Variants in KRI1 observed in about 807,000 individuals in gnomAD.
KRI1 encodes protein KRI1 homolog.
Under a neutral mutation model 97.0 loss-of-function variants are expected in KRI1, and 83 were observed. That is an observed-to-expected ratio of 0.86 (90% confidence interval 0.72 to 1.03). KRI1 has a LOEUF of 1.03. Among genes scored for constraint, KRI1 ranks in the 50% least tolerant of loss-of-function variants. KRI1 has a pLI of 0.00. For synonymous variants in KRI1, 371 were observed against 363.5 expected (o/e 1.02, Z -0.23); for missense variants, 916 against 928.4 (o/e 0.99, Z 0.17).
At chr19:10,562,628 C>T (rs535465541) in intron 4 of KRI1, 101 bp downstream of exon 4, 34 of 727,872 alleles carry the variant, frequency 4.7e-5, no homozygotes, top group Non-Finnish European at 7.5e-5. Flanking sequence ...CCACCATGCC[C>T]GGCCCAGGCT....
intron 14 of KRI1, 34 bp from the exon 15 acceptor site, chr19:10,557,929 C>A (rs1916564121): frequency 6.2e-7 from 1 of 1,613,776 alleles, no homozygotes; most frequent in Non-Finnish European, 8.5e-7. Flanking sequence ...CCCACCAGCC[C>A]CCCGTCAGGG....
chr19:10,557,617 C>T lies in KRI1; in HGVS notation c.1552G>A (p.Asp518Asn), dbSNP rs142840947. The T allele has an allele frequency of 6.3e-5, 101 of 1,614,166 alleles. No individual in the cohort carries two copies. The Admixed American group carries it at 1.2e-3, about 19-fold the overall frequency. ...YRLDYEDIID[D>N]LPCRFKYRTV... ...CGGTACTTGAAGCGACAGGGCAGGTCGTCGATGATGTCCTCGTAGTCCAGC... is the reference window on the plus strand; with the variant it reads ...CGGTACTTGAAGCGACAGGGCAGGTTGTCGATGATGTCCTCGTAGTCCAGC... The change falls in exon 16 of 19, where the codon GAC becomes AAC. Residue 518 changes from aspartate to asparagine, a missense_variant. By Grantham distance (23) the Asp-to-Asn change is conservative (BLOSUM62 1). Around this residue, in one of 3 missense-constraint regions of KRI1, gnomAD observed 672 missense variants for 667.2 expected, o/e 1.01. Coordinates refer to ENST00000312962, the MANE Select transcript of KRI1 (RefSeq NM_023008.5).
At chr19:10,565,245 G>T in intron 2 of KRI1, 1 of 588,546 alleles carries the variant, frequency 1.7e-6, no homozygotes, top group South Asian at 2.0e-5. Context: ...GGTAGAGGAA[G>T]GTGAGGGGCA....
rs35247747 is a variant in KRI1 at position 10,565,635 on chromosome 19, T to TC, written c.168+81dup. 3.8e-5 allele frequency: 54 copies of TC among 1,435,750 alleles called. 2 individuals are homozygous for TC. In the South Asian group the frequency reaches 4.4e-4, roughly 12 times the overall value. 88.9% of individuals were successfully genotyped at this position (1,435,750 alleles called of 1,614,324 possible). A position where few individuals can be genotyped will look rare whatever the true frequency, so the allele number is the denominator to read the frequency against. On this transcript the variant is annotated intron_variant, in intron 2 of 18. Coordinates refer to ENST00000312962, the MANE Select transcript of KRI1 (RefSeq NM_023008.5). ...CGCAGGGCGCTCTGGGGTTGGGGGT[T>TC]CCCCCCCGTCTACATCGGGGTCGGG...
chr19:10,560,000 C>T, intron 9 of KRI1, 64 bp from the exon 10 acceptor site: 1 of 1,581,384 alleles, frequency 6.3e-7, no homozygotes, highest in Non-Finnish European at 8.6e-7. Context: ...CCCTTTCCTG[C>T]ACGCCTGGGT....
Position 10,565,833 on chromosome 19 carries a change from G to A in KRI1, c.95-43C>T, listed in dbSNP as rs751890912. On this transcript the variant is annotated intron_variant, in intron 1 of 18. Coordinates refer to ENST00000312962, the MANE Select transcript of KRI1 (RefSeq NM_023008.5). ...GATGCCCCCCCCCAGGTCAGCCGGC[G>A]GGGCCACTCGACTCCCCACTTCCCA... 19 of 1,546,276 alleles carry A rather than the reference G, an allele frequency of 1.2e-5. No homozygotes were observed. The Admixed American group carries it at 1.6e-4, about 13-fold the overall frequency.
At position 10,553,156 on chromosome 19, in the gene KRI1, A is replaced by G; in HGVS notation, c.*795T>C. The G allele has an allele frequency of 1.4e-6, 2 of 1,425,788 alleles. No homozygotes were observed. The highest frequency in any genetic ancestry group is 1.9e-6 in the Non-Finnish European group (2 of 1,074,154). The allele number at this position is 1,425,788 out of a possible 1,614,324, so 88.3% of individuals were successfully genotyped here. On this transcript the variant is annotated 3_prime_UTR_variant, in exon 19 of 19. Transcript: ENST00000312962. ...GGGATCTTGAGCTCTGGCAGTGATG[A>G]TGGTACTTCCTGTTGTCAGCCCCTC...
At chr19:10,562,055 A>C (rs576840234) in intron 4 of KRI1, among the ~76,000 whole-genome samples, 2 of 137,226 alleles carry the variant, frequency 1.5e-5, no homozygotes, top group Admixed American at 7.5e-5. Flanking sequence ...GGGTGACAGC[A>C]TTTCTTTTTT....
intron 4 of KRI1, 75 bp from the exon 5 acceptor site, chr19:10,561,920 A>T (rs909743134): frequency 7.2e-7 from 1 of 1,389,658 alleles, no homozygotes; most frequent in Non-Finnish European, 1.0e-6. Flanking sequence ...CGGAGCAGCT[A>T]TTCCAAGCAA....
Position 10,557,549 on chromosome 19 carries a change from T to A in KRI1, c.1617+3A>T. ...AGTGTCCCTGCCTGCCCGGGGCCCC[T>A]ACCTCCTCAGTGCTGAGGCCAAAGT... On this transcript the variant is annotated splice_donor_region_variant and intron_variant, in intron 16 of 18. Transcript: ENST00000312962. 1 of 1,612,516 alleles carries A rather than the reference T, an allele frequency of 6.2e-7. No individual in the cohort carries two copies. Among genetic ancestry groups the A allele is most frequent in the South Asian group, 1.1e-5 (1 of 91,068 alleles).
chr19:10,561,694 A>G lies in KRI1; in HGVS notation c.461T>C (p.Val154Ala). ...TTCCTTGAGCTGTTTCTGTTCCTCC[A>G]CATAACTTTGCGACGATGTCTCCTG... is the stretch of plus-strand genomic sequence containing the variant. ...RLQETSSQSYVEEQKQLKESF... is the reference protein window; with the variant it reads ...RLQETSSQSYAEEQKQLKESF... Residue 154 changes from valine to alanine, a missense_variant, in exon 6 of 19, where the codon GTG becomes GCG. Val to Ala is a moderately conservative substitution (Grantham distance 64). Transcript: ENST00000312962. 1 of 1,613,958 alleles carries G rather than the reference A, an allele frequency of 6.2e-7. No homozygotes were observed. Among genetic ancestry groups the G allele is most frequent in the Middle Eastern group, 1.7e-4 (1 of 6,058 alleles).
intron 6 of KRI1, 118 bp from the exon 7 acceptor site, chr19:10,561,383 C>T (rs1362287375): frequency 3.1e-6 from 3 of 966,744 alleles, no homozygotes; most frequent in Non-Finnish European, 4.7e-6. Context: ...TGATCTTGAA[C>T]TCCTGGGCTC....
chr19:10,565,753 G>A lies in KRI1; in HGVS notation c.132C>T (p.Asp44=), dbSNP rs117638900. The change falls in exon 2 of 19, where the codon GAC becomes GAT. Residue 44 remains aspartate (D), a synonymous_variant. Coordinates refer to ENST00000312962, the MANE Select transcript of KRI1 (RefSeq NM_023008.5). Reference sequence around the variant, plus strand: ...CGCTTGAGTCCGACTCGGAGCTGGAGTCGCTGCTGCTGTCTCGGTCCCCGT... The same window carrying A: ...CGCTTGAGTCCGACTCGGAGCTGGAATCGCTGCTGCTGTCTCGGTCCCCGT... ...DRYGDRDSSS[D]SSSESDSSDE... 4.4e-4 allele frequency: 701 copies of A among 1,582,122 alleles called. 12 individuals are homozygous for A. In the East Asian group the frequency reaches 9.7e-3, roughly 22 times the overall value.
intron 3 of KRI1, among the ~76,000 whole-genome samples, chr19:10,564,256 T>C (rs1393570297): frequency 3.4e-5 from 5 of 149,228 alleles, no homozygotes; most frequent in Non-Finnish European, 7.4e-5. Flanking sequence ...AAGTTGGGAG[T>C]TCGAGACCAG....
In KRI1 at chr19:10,561,192, G is replaced by A. The variant is rs148571570; in HGVS notation, c.562C>T (p.Arg188Cys). The A allele has an allele frequency of 9.7e-5, 156 of 1,614,062 alleles. No homozygotes were observed. The African/African-American group carries it at 1.7e-3, about 17-fold the overall frequency. ...ACCTTCTCCTGCCTGGTTTTGGCAC[G>A]TTTCTGCAGCAAACTGGAGCCGCCC... ...GEGGSSLLQKRAKTRQEKAQE... is the reference protein window; with the variant it reads ...GEGGSSLLQKCAKTRQEKAQE... Residue 188 changes from arginine (R) to cysteine (C), a missense_variant, in exon 7 of 19, where the codon CGT becomes TGT. By Grantham distance (180) the Arg-to-Cys change is radical (BLOSUM62 -3). Coordinates refer to ENST00000312962, the MANE Select transcript of KRI1 (RefSeq NM_023008.5).
chr19:10,565,876 G>A (rs1009920176), intron 1 of KRI1, 30 bp downstream of exon 1: 12 of 1,533,568 alleles, frequency 7.8e-6, no homozygotes, highest in Non-Finnish European at 9.7e-6. Flanking sequence ...GGCGCGCGCA[G>A]GCTCCCGCGC....
rs182078576 is a variant in KRI1 at position 10,565,455 on chromosome 19, G to T, written c.168+262C>A. ...GACTCTTGAGGATGAAAGAGGAAAG[G>T]GGGGGTTCTTGGGGGACAGAGTCGC... is the stretch of plus-strand genomic sequence containing the variant. On this transcript the variant is annotated intron_variant, in intron 2 of 18. Transcript: ENST00000312962. 7.2e-6 allele frequency: 4 copies of T among 556,902 alleles called. No homozygotes were observed. The African/African-American group carries it at 7.9e-5, about 11-fold the overall frequency. 34.5% of individuals were successfully genotyped at this position (556,902 alleles called of 1,614,324 possible).
chr19:10,565,069 A>G (rs755704594), intron 2 of KRI1, 35 bp from the exon 3 acceptor site: 3 of 1,394,304 alleles, frequency 2.2e-6, no homozygotes, highest in Non-Finnish European at 3.1e-6. Flanking sequence ...TAGATTTCAG[A>G]AGGGAGATAA....
intron 16 of KRI1, 34 bp from the exon 17 acceptor site, chr19:10,555,383 A>G (rs1375443716): frequency 6.2e-7 from 1 of 1,611,962 alleles, no homozygotes. Context: ...ACCTGCTGTG[A>G]TATTGCCCAG....
Sources: allele counts gnomAD v4.1 joint callset (sites outside exome capture counted in the v4.1 genomes callset), GRCh38; gene constraint gnomAD v4.1.1; regional missense constraint gnomAD v4.1.1; transcripts MANE v1.5; gene names NCBI Gene and HGNC (gene_info 2026-07-23, HGNC 2026-07-21).